ADGRL3: variants seen among roughly 807,000 people sequenced by gnomAD.
ADGRL3 encodes adhesion G protein-coupled receptor L3, also known as calcium-independent alpha-latrotoxin receptor 3.
Under a neutral mutation model 153.5 loss-of-function variants are expected in ADGRL3, and 62 were observed. The ratio of observed to expected loss-of-function variants is 0.40; its 90% CI spans 0.33 to 0.50. The LOEUF (loss-of-function observed/expected upper bound fraction) is 0.50. ADGRL3 is among the 20% of genes least tolerant of loss of function. ADGRL3 has a pLI of 0.47. For missense variants in ADGRL3, 1,641 were observed against 1,859.4 expected (o/e 0.88, Z 2.16); for synonymous variants, 710 against 672.5 (o/e 1.06, Z -0.86).
At chr4:61,466,105 A>T (rs1037589447) in intron 2 of ADGRL3, among the ~76,000 whole-genome samples, 1 of 152,094 alleles carries the variant, frequency 6.6e-6, no homozygotes, top group African/African-American at 2.4e-5. Context: ...TGGGCGACAG[A>T]GCAAGACTCC....
At chr4:61,720,517 T>C (rs149886132) in intron 6 of ADGRL3, among the ~76,000 whole-genome samples, 1 of 152,352 alleles carries the variant, frequency 6.6e-6, no homozygotes, top group Non-Finnish European at 1.5e-5. Flanking sequence ...TTCTGCTAAA[T>C]ATAACTTAGC....
chr4:61,743,412 A>G (rs1364117650), intron 8 of ADGRL3, among the ~76,000 whole-genome samples: 1 of 152,010 alleles, frequency 6.6e-6, no homozygotes. Flanking sequence ...ATTTGTTGAC[A>G]TTAAGATTTA....
intron 2 of ADGRL3, among the ~76,000 whole-genome samples, chr4:61,390,086 T>A (rs1300292294): frequency 2.0e-5 from 3 of 152,222 alleles, no homozygotes; most frequent in African/African-American, 7.2e-5. Context: ...ATAGCTTTTC[T>A]CACTAAATCT....
intron 8 of ADGRL3, among the ~76,000 whole-genome samples, chr4:61,774,449 AAC>A (rs1475412729): frequency 3.3e-5 from 5 of 151,642 alleles, no homozygotes; most frequent in African/African-American, 1.2e-4. Flanking sequence ...TTTTTAGAAA[AAC>A]AATACAGTAT....
chr4:61,373,122 A>G (rs2096559684), intron 1 of ADGRL3, among the ~76,000 whole-genome samples: 1 of 151,992 alleles, frequency 6.6e-6, no homozygotes, highest in East Asian at 1.9e-4. Context: ...ACCTGCGCCC[A>G]CTGTCTGGCA....
intron 11 of ADGRL3, among the ~76,000 whole-genome samples, chr4:61,896,147 A>G (rs949005994): frequency 1.3e-5 from 2 of 152,132 alleles, no homozygotes; most frequent in African/African-American, 4.8e-5. Context: ...TAGCATGTAT[A>G]CTTACGAGTT....
intron 2 of ADGRL3, among the ~76,000 whole-genome samples, chr4:61,426,100 C>G (rs1239520545): frequency 2.6e-5 from 4 of 152,216 alleles, no homozygotes. Context: ...AACTACAGCC[C>G]CACAAAGGCA....
At chr4:61,410,831 G>A (rs1487649962) in intron 2 of ADGRL3, among the ~76,000 whole-genome samples, 3 of 152,132 alleles carry the variant, frequency 2.0e-5, no homozygotes, top group East Asian at 1.9e-4. Context: ...GTCTGGTGAC[G>A]GAGCTGCTGA....
At chr4:61,232,438 AACTGGGAT>A (rs1343774036) in intron 1 of ADGRL3, among the ~76,000 whole-genome samples, 1 of 151,850 alleles carries the variant, frequency 6.6e-6, no homozygotes, top group Non-Finnish European at 1.5e-5. Flanking sequence ...CCTCCCAAGT[AACTGGGAT>A]TACAGGCATG....
chr4:61,939,017 G>C (rs1346648298), intron 15 of ADGRL3, among the ~76,000 whole-genome samples: 2 of 151,754 alleles, frequency 1.3e-5, no homozygotes, highest in African/African-American at 4.8e-5. Flanking sequence ...ATAAGATATA[G>C]GGCTTGACTT....
intron 6 of ADGRL3, among the ~76,000 whole-genome samples, chr4:61,703,638 T>G (rs187088391): frequency 6.6e-6 from 1 of 152,116 alleles, no homozygotes; most frequent in East Asian, 1.9e-4. Flanking sequence ...TTATAAGAGA[T>G]AGGCATAAAG....
intron 8 of ADGRL3, among the ~76,000 whole-genome samples, chr4:61,746,368 C>T (rs2096661454): frequency 6.6e-6 from 1 of 152,156 alleles, no homozygotes; most frequent in Non-Finnish European, 1.5e-5. Context: ...TAATACCCAT[C>T]TACAGAACTC....
At chr4:61,931,026 C>T (rs2098815531) in intron 13 of ADGRL3, among the ~76,000 whole-genome samples, 1 of 152,122 alleles carries the variant, frequency 6.6e-6, no homozygotes. Flanking sequence ...AATTAACCTT[C>T]ATTTAGCTAG....
chr4:61,202,479 G>C lies in ADGRL3; in HGVS notation c.-240+714G>C, dbSNP rs1056012886. Among the ~76,000 whole-genome samples the C allele has an allele frequency of 1.3e-5, 2 of 152,146 alleles. No individual in the cohort carries two copies. Among genetic ancestry groups the C allele is most frequent in the Non-Finnish European group, 2.9e-5 (2 of 68,018 alleles). On this transcript the variant is annotated intron_variant, in intron 1 of 26. Transcript: ENST00000683033. The surrounding 1 kb of genome is among the most constrained non-coding windows in gnomAD (Gnocchi z 5.0). ...AAGCTGCCACTTTCGTGGGTGGCCC[G>C]GGCTGCGCTGTGCTGGTAGTGGGCA...
chr4:61,841,085 C>A (rs190382018), intron 9 of ADGRL3, among the ~76,000 whole-genome samples: 1 of 152,236 alleles, frequency 6.6e-6, no homozygotes, highest in Admixed American at 6.5e-5. Flanking sequence ...ACTCTAGATT[C>A]CCATAAAAGG....
At chr4:61,578,678 A>G (rs1462773212) in intron 4 of ADGRL3, among the ~76,000 whole-genome samples, 1 of 152,004 alleles carries the variant, frequency 6.6e-6, no homozygotes, top group African/African-American at 2.4e-5. Flanking sequence ...TTTTGCCTGA[A>G]GTATTTTACT....
chr4:61,455,591 T>C (rs1024624502), intron 2 of ADGRL3, among the ~76,000 whole-genome samples: 3 of 152,124 alleles, frequency 2.0e-5, no homozygotes, highest in Non-Finnish European at 2.9e-5. Flanking sequence ...TTCATGAGTA[T>C]AATATGTAGT....
intron 5 of ADGRL3, among the ~76,000 whole-genome samples, chr4:61,635,879 CA>C (rs1250363267): frequency 6.6e-6 from 1 of 152,188 alleles, no homozygotes; most frequent in East Asian, 1.9e-4. Flanking sequence ...ATTTCTTCTT[CA>C]AAGGACACCA....
intron 5 of ADGRL3, among the ~76,000 whole-genome samples, chr4:61,607,103 T>C (rs1055897983): frequency 3.3e-5 from 5 of 152,128 alleles, no homozygotes; most frequent in African/African-American, 1.2e-4. Context: ...GTTAGGGTTT[T>C]CCAAGGACAG....
Sources: gnomAD v4.1 joint callset for allele counts (sites outside exome capture counted in the v4.1 genomes callset) on GRCh38, gnomAD v4.1.1 for gene constraint, Gnocchi (gnomAD v3.1) non-coding constraint, MANE v1.5 for transcripts, NCBI Gene and HGNC (gene_info 2026-07-23, HGNC 2026-07-21) for gene names.